The following KSR2 variants were observed in gnomAD, a reference collection of about 807,000 sequenced individuals.
KSR2 encodes kinase suppressor of ras 2.
In KSR2, 25 loss-of-function variants were observed where a neutral mutation model predicts 107.8. That is an observed-to-expected ratio of 0.23 (90% CI 0.17 to 0.32). KSR2 has a LOEUF of 0.32. KSR2 is among the 10% of genes least tolerant of loss of function. The pLI is 1.00. For synonymous variants in KSR2, 480 were observed against 507.0 expected (o/e 0.95, Z 0.71); for missense variants, 887 against 1,268.9 (o/e 0.70, Z 4.57).
At chr12:117,959,288 A>G (rs1412623962) in intron 1 of KSR2, among the ~76,000 whole-genome samples, 2 of 152,110 alleles carry the variant, frequency 1.3e-5, no homozygotes, top group African/African-American at 4.8e-5. Context: ...GTCAAACCCA[A>G]TCTATTCCAC....
At chr12:117,739,919 G>A (rs899217354) in intron 4 of KSR2, among the ~76,000 whole-genome samples, 1 of 151,528 alleles carries the variant, frequency 6.6e-6, no homozygotes, top group African/African-American at 2.4e-5. Flanking sequence ...AGAAAAGCTT[G>A]TATTTTTTTT....
chr12:117,575,220 T>C (rs1879204313), intron 7 of KSR2, among the ~76,000 whole-genome samples: 1 of 152,194 alleles, frequency 6.6e-6, no homozygotes, highest in Non-Finnish European at 1.5e-5. Context: ...CACTCTTGTT[T>C]CCCCAGCATC....
chr12:117,813,822 T>C (rs771474728), intron 3 of KSR2, among the ~76,000 whole-genome samples: 7 of 152,140 alleles, frequency 4.6e-5, no homozygotes, highest in Non-Finnish European at 8.8e-5. Context: ...ATGGCTACAC[T>C]CTCATGTTTA....
chr12:117,585,407 GTAAT>G (rs986267990), intron 5 of KSR2, among the ~76,000 whole-genome samples: 1 of 152,154 alleles, frequency 6.6e-6, no homozygotes, highest in African/African-American at 2.4e-5. Flanking sequence ...AAAAATAGAT[GTAAT>G]TAAGTTTAGT....
At chr12:117,654,787 G>A (rs537690534) in intron 5 of KSR2, among the ~76,000 whole-genome samples, 7 of 152,314 alleles carry the variant, frequency 4.6e-5, no homozygotes, top group East Asian at 3.9e-4. Flanking sequence ...GCTCACCAAC[G>A]GGTGACCTCA....
chr12:117,943,302 G>C (rs1896066721), intron 1 of KSR2, among the ~76,000 whole-genome samples: 1 of 151,800 alleles, frequency 6.6e-6, no homozygotes, highest in African/African-American at 2.4e-5. Context: ...TCATAACCTG[G>C]TATATATAAC....
intron 2 of KSR2, among the ~76,000 whole-genome samples, chr12:117,856,362 T>C (rs1214165696): frequency 2.6e-5 from 4 of 152,256 alleles, no homozygotes; most frequent in African/African-American, 9.6e-5. Context: ...AGCTTCTATA[T>C]TTATGCATCA....
intron 3 of KSR2, among the ~76,000 whole-genome samples, chr12:117,800,538 T>G (rs529677808): frequency 6.6e-6 from 1 of 152,314 alleles, no homozygotes; most frequent in East Asian, 1.9e-4. Flanking sequence ...CATTCTCACA[T>G]TGCTATTAAG....
intron 9 of KSR2, among the ~76,000 whole-genome samples, chr12:117,548,256 C>T (rs1877025462): frequency 6.6e-6 from 1 of 152,112 alleles, no homozygotes; most frequent in Non-Finnish European, 1.5e-5. Context: ...CACAGGTTTG[C>T]ATTGCAATGG....
chr12:117,717,953 A>C (rs1887062289), intron 4 of KSR2, among the ~76,000 whole-genome samples: 1 of 152,216 alleles, frequency 6.6e-6, no homozygotes, highest in Admixed American at 6.5e-5. Flanking sequence ...ATGAGAAAGC[A>C]AAGCTACCAA....
At chr12:117,831,557 G>A (rs959583260) in intron 3 of KSR2, among the ~76,000 whole-genome samples, 38 of 152,268 alleles carry the variant, frequency 2.5e-4, no homozygotes, top group African/African-American at 9.1e-4. Context: ...ACTGCTGGAA[G>A]GATTAAATGA....
chr12:117,508,627 A>C (rs1873844988), intron 14 of KSR2, among the ~76,000 whole-genome samples: 1 of 151,344 alleles, frequency 6.6e-6, no homozygotes, highest in Admixed American at 6.6e-5. Context: ...GGCTAGATTA[A>C]TGGTGGGAAG....
chr12:117,640,595 G>A (rs1394749843), intron 5 of KSR2, among the ~76,000 whole-genome samples: 1 of 152,134 alleles, frequency 6.6e-6, no homozygotes, highest in Non-Finnish European at 1.5e-5. Flanking sequence ...CATCCAAAGA[G>A]CGTGTTCCCA....
rs1026902024 is a variant in KSR2 at position 117,923,468 on chromosome 12, C to G, written c.180+44608G>C. Among the ~76,000 whole-genome samples the G allele has an allele frequency of 5.9e-5, 9 of 152,134 alleles. No individual in the cohort carries two copies. In the South Asian group the frequency reaches 1.2e-3, roughly 21 times the overall value. The stretch of plus-strand genomic sequence containing the variant: ...TTGGAAGGCCAAAGTGGGAGGACTG[C>G]TTGAGGCCAGGAGTTCAAGACCCCA... On this transcript the variant is annotated intron_variant, in intron 1 of 19. Transcript: ENST00000339824.
intron 3 of KSR2, among the ~76,000 whole-genome samples, chr12:117,799,443 G>C (rs188510846): frequency 1.4e-4 from 21 of 151,602 alleles, no homozygotes; most frequent in Admixed American, 7.2e-4. Context: ...AGAGGTTGCA[G>C]TGAGCCGAGA....
intron 1 of KSR2, among the ~76,000 whole-genome samples, chr12:117,882,946 C>T (rs1053273188): frequency 6.6e-6 from 1 of 151,990 alleles, no homozygotes; most frequent in African/African-American, 2.4e-5. Flanking sequence ...TTCATGCAAC[C>T]ATCCATTCAA....
intron 5 of KSR2, among the ~76,000 whole-genome samples, chr12:117,646,933 G>A (rs1401823561): frequency 6.6e-6 from 1 of 152,154 alleles, no homozygotes; most frequent in Non-Finnish European, 1.5e-5. Flanking sequence ...GTGAAGGGTG[G>A]ATGATTACAG....
intron 1 of KSR2, among the ~76,000 whole-genome samples, chr12:117,938,567 T>G (rs1895912441): frequency 6.8e-6 from 1 of 147,134 alleles, no homozygotes; most frequent in Admixed American, 6.8e-5. Flanking sequence ...TAATAATAAA[T>G]AAATAAATAA....
chr12:117,506,558 A>G (rs1048111816), intron 14 of KSR2, among the ~76,000 whole-genome samples: 1 of 152,226 alleles, frequency 6.6e-6, no homozygotes, highest in Non-Finnish European at 1.5e-5. Context: ...TGGGTCATCC[A>G]CAAGCCTGAC....
Sources: gnomAD v4.1 joint callset for allele counts (sites outside exome capture counted in the v4.1 genomes callset) on GRCh38, gnomAD v4.1.1 for gene constraint, MANE v1.5 for transcripts, NCBI Gene and HGNC (gene_info 2026-07-23, HGNC 2026-07-21) for gene names.